Variants in MAP4K3 observed in about 807,000 individuals in gnomAD.
MAP4K3 encodes MAPK/ERK kinase kinase kinase 3.
Under a neutral mutation model 143.5 loss-of-function variants are expected in MAP4K3, and 94 were observed. That is an observed-to-expected ratio of 0.65 (90% CI 0.55 to 0.78). The LOEUF is 0.78. MAP4K3 is among the 30% of genes least tolerant of loss of function. The pLI is 0.00. For missense variants in MAP4K3, 1,077 were observed against 1,068.1 expected, an observed-to-expected ratio of 1.01 and a Z score of -0.12; for synonymous variants, 416 against 347.2, an observed-to-expected ratio of 1.20 and a Z score of -2.20.
chr2:39,278,225 T>C (rs1466852549), intron 24 of MAP4K3, among the ~76,000 whole-genome samples, 182 bp downstream of exon 24: 3 of 151,326 alleles, frequency 2.0e-5, no homozygotes, highest in Non-Finnish European at 4.4e-5. Flanking sequence ...TGAGCCGAGA[T>C]CACACCACTG....
At chr2:39,368,402 C>G (rs1238473926) in intron 2 of MAP4K3, among the ~76,000 whole-genome samples, 1 of 152,104 alleles carries the variant, frequency 6.6e-6, no homozygotes, top group Non-Finnish European at 1.5e-5. Flanking sequence ...CACAGTGGCT[C>G]ATGTTTGTAA....
Position 39,290,313 on chromosome 2 carries a change from A to G in MAP4K3, c.1293T>C (p.Ile431=). The change falls in exon 19 of 34, where the codon ATT becomes ATC. Residue 431 remains isoleucine, a synonymous_variant. Coordinates refer to ENST00000263881, the MANE Select transcript of MAP4K3 (RefSeq NM_003618.4). ...CTACCTTTGGTGGCAAAGGAGGTGG[A>G]ATTTTTGCTTTCAGAGTTGAGCTAA... is the stretch of plus-strand genomic sequence containing the variant. The part of the protein sequence containing the change: ...ESKHSTLKAK[I]PPPLPPKPKS... 3 of 1,608,122 alleles carry G rather than the reference A, an allele frequency of 1.9e-6. No individual in the cohort carries two copies. The highest frequency in any genetic ancestry group is 2.5e-6 in the Non-Finnish European group (3 of 1,177,596).
chr2:39,305,232 TA>T (rs903843104), intron 15 of MAP4K3, among the ~76,000 whole-genome samples: 2 of 151,684 alleles, frequency 1.3e-5, no homozygotes, highest in African/African-American at 4.8e-5. Context: ...TTTACCACAG[TA>T]AAAAAAACAA....
intron 1 of MAP4K3, among the ~76,000 whole-genome samples, chr2:39,393,249 G>C (rs1377582349): frequency 3.9e-5 from 6 of 152,158 alleles, no homozygotes; most frequent in Non-Finnish European, 7.4e-5. Flanking sequence ...TGTACAAACT[G>C]GTGGCAAATG....
At chr2:39,269,943 A>G (rs1243521988) in intron 26 of MAP4K3, among the ~76,000 whole-genome samples, 2 of 152,156 alleles carry the variant, frequency 1.3e-5, no homozygotes, top group Non-Finnish European at 2.9e-5. Context: ...AATAAAACAA[A>G]ACAAAAACTC....
intron 15 of MAP4K3, among the ~76,000 whole-genome samples, chr2:39,301,901 G>T (rs1416260803): frequency 6.6e-6 from 1 of 152,010 alleles, no homozygotes; most frequent in Non-Finnish European, 1.5e-5. Flanking sequence ...GCTCGCGCCT[G>T]TAGTCCCAGC....
At chr2:39,371,064 C>T (rs947699654) in intron 2 of MAP4K3, among the ~76,000 whole-genome samples, 1 of 151,978 alleles carries the variant, frequency 6.6e-6, no homozygotes, top group African/African-American at 2.4e-5. Context: ...GTGTTCTAGC[C>T]GGATCAGCCA....
chr2:39,263,507 C>T (rs111932506), intron 28 of MAP4K3, among the ~76,000 whole-genome samples: 3,044 of 150,932 alleles, frequency 0.02, 100 homozygotes, highest in African/African-American at 0.071. Flanking sequence ...TCTCGATCTC[C>T]TGACCTCGTG....
chr2:39,269,389 T>C (rs578241345), intron 26 of MAP4K3, among the ~76,000 whole-genome samples: 12 of 152,076 alleles, frequency 7.9e-5, no homozygotes, highest in Admixed American at 6.5e-4. Flanking sequence ...CCATGCATTT[T>C]AGACATCTGT....
At chr2:39,254,209 T>C (rs952555714) in intron 32 of MAP4K3, among the ~76,000 whole-genome samples, 8 of 152,200 alleles carry the variant, frequency 5.3e-5, no homozygotes, top group African/African-American at 1.7e-4. Flanking sequence ...AGCAAGTTCT[T>C]GTTCTAAATT....
chr2:39,345,785 G>T (rs1306037616), intron 3 of MAP4K3, among the ~76,000 whole-genome samples: 1 of 151,868 alleles, frequency 6.6e-6, no homozygotes, highest in South Asian at 2.1e-4. Flanking sequence ...AGCCAGGCGT[G>T]GTGGTGGGTG....
intron 1 of MAP4K3, among the ~76,000 whole-genome samples, chr2:39,390,166 C>G (rs949616376): frequency 6.6e-6 from 1 of 152,152 alleles, no homozygotes; most frequent in Non-Finnish European, 1.5e-5. Flanking sequence ...GGGACATTTA[C>G]ATTTTGGGTT....
At chr2:39,433,181 G>A (rs1471680809) in intron 1 of MAP4K3, among the ~76,000 whole-genome samples, 1 of 152,150 alleles carries the variant, frequency 6.6e-6, no homozygotes, top group African/African-American at 2.4e-5. Flanking sequence ...GCCCAGTCCA[G>A]AAGTCACTAA....
At chr2:39,295,706 G>A (rs947398691) in intron 16 of MAP4K3, among the ~76,000 whole-genome samples, 2 of 145,336 alleles carry the variant, frequency 1.4e-5, no homozygotes, top group Admixed American at 7.2e-5. Flanking sequence ...TATTGCATTC[G>A]CATTCCATGT....
intron 1 of MAP4K3, among the ~76,000 whole-genome samples, chr2:39,402,736 A>G (rs1015311448): frequency 2.0e-5 from 3 of 151,996 alleles, no homozygotes; most frequent in African/African-American, 7.2e-5. Context: ...CAATAAAATT[A>G]AGGCTCTGTT....
chr2:39,326,545 G>C (rs1683495558), intron 8 of MAP4K3, among the ~76,000 whole-genome samples: 1 of 152,120 alleles, frequency 6.6e-6, no homozygotes, highest in South Asian at 2.1e-4. Context: ...CTTTGGATTT[G>C]GACTTCTGGG....
chr2:39,301,174 A>G (rs1388328556), intron 15 of MAP4K3, among the ~76,000 whole-genome samples: 1 of 152,240 alleles, frequency 6.6e-6, no homozygotes, highest in Admixed American at 6.5e-5. Context: ...CCTGGTTTAG[A>G]CAAGACTCAA....
In MAP4K3 at chr2:39,349,621, G is replaced by A. The variant is rs908768153; in HGVS notation, c.246-6169C>T. The stretch of plus-strand genomic sequence containing the variant: ...ATCCTGTAGTGAGAAGGCGGTTGGA[G>A]AGACAGAGGAGGGAGAAGGGAAGAG... On this transcript the variant is annotated intron_variant, in intron 3 of 33. Transcript: ENST00000263881. Among the ~76,000 whole-genome samples, 3 of 152,056 alleles carry A rather than the reference G, an allele frequency of 2.0e-5. No homozygotes were observed. In the East Asian group the frequency reaches 5.8e-4, roughly 29 times the overall value.
At chr2:39,268,461 C>T (rs1680864977) in intron 26 of MAP4K3, among the ~76,000 whole-genome samples, 1 of 151,462 alleles carries the variant, frequency 6.6e-6, no homozygotes, top group African/African-American at 2.4e-5. Flanking sequence ...GCTGGGACTA[C>T]AGGTGCCTGC....
Sources: allele counts gnomAD v4.1 joint callset (sites outside exome capture counted in the v4.1 genomes callset), GRCh38; gene constraint gnomAD v4.1.1; transcripts MANE v1.5; gene names NCBI Gene and HGNC (gene_info 2026-07-23, HGNC 2026-07-21).